Variants in GLT1D1 observed in about 807,000 individuals in gnomAD.
GLT1D1 encodes glycosyltransferase 1 domain containing 1.
Under a neutral mutation model 28.7 loss-of-function variants are expected in GLT1D1, and 21 were observed. The observed-to-expected ratio is 0.73, with a 90% CI of 0.52 to 1.05. GLT1D1 has a LOEUF of 1.05. GLT1D1 is among the 50% of genes least tolerant of loss of function. The pLI is 0.00. For missense variants in GLT1D1, 343 were observed against 330.6 expected (o/e 1.04, Z -0.29); for synonymous variants, 147 against 124.8 (o/e 1.18, Z -1.19).
At chr12:128,908,927 C>A (rs750969516) in intron 4 of GLT1D1, among the ~76,000 whole-genome samples, 4 of 151,726 alleles carry the variant, frequency 2.6e-5, no homozygotes, top group South Asian at 2.1e-4. Flanking sequence ...CCAGCCTGGG[C>A]GACAGAGCGA....
intron 4 of GLT1D1, among the ~76,000 whole-genome samples, 167 bp from the exon 7 acceptor site, chr12:128,926,192 T>C (rs1457059299): frequency 3.3e-5 from 3 of 90,042 alleles, no homozygotes; most frequent in Non-Finnish European, 6.7e-5. Flanking sequence ...AGACTCTGTC[T>C]CAATAATAAT....
At chr12:128,876,596 A>G (rs1310191642) in intron 2 of GLT1D1, among the ~76,000 whole-genome samples, 2 of 152,172 alleles carry the variant, frequency 1.3e-5, no homozygotes, top group African/African-American at 4.8e-5. Context: ...GATTGCAGGC[A>G]TGAGCCTGGC....
At chr12:128,872,752 G>A (rs537870870) in intron 1 of GLT1D1, among the ~76,000 whole-genome samples, 4 of 152,138 alleles carry the variant, frequency 2.6e-5, no homozygotes, top group East Asian at 1.9e-4. Context: ...ACACACGCAC[G>A]CTCACACTCA....
intron 4 of GLT1D1, chr12:128,907,010 G>C (rs1032710728): frequency 4.3e-6 from 3 of 700,494 alleles, no homozygotes; most frequent in Admixed American, 4.0e-5. Context: ...AATGAGCTGC[G>C]TGTCTCCTTA....
chr12:128,853,866 C>G (rs1566073084), intron 1 of GLT1D1, among the ~76,000 whole-genome samples: 2 of 152,156 alleles, frequency 1.3e-5, no homozygotes, highest in South Asian at 2.1e-4. Flanking sequence ...TCCGTGCGGC[C>G]GGCGCATTGG....
intron 7 of GLT1D1, among the ~76,000 whole-genome samples, chr12:128,973,912 TGTAGGGG>T (rs1879491073): frequency 5.0e-5 from 3 of 59,674 alleles, no homozygotes; most frequent in East Asian, 4.9e-4. Context: ...AGGGGGTGTG[TGTAGGGG>T]GTGTGTGTGT....
At chr12:128,906,914 G>A (rs1211957072) in intron 4 of GLT1D1, 2 of 702,524 alleles carry the variant, frequency 2.8e-6, no homozygotes, top group Admixed American at 4.0e-5. Context: ...TAGAAAGCAA[G>A]ACAGATCTCA....
chr12:128,861,334 C>T (rs1394944295), intron 1 of GLT1D1, among the ~76,000 whole-genome samples: 1 of 152,214 alleles, frequency 6.6e-6, no homozygotes, highest in East Asian at 1.9e-4. Context: ...GGTATTTCCT[C>T]TCTGTCTGCT....
intron 2 of GLT1D1, among the ~76,000 whole-genome samples, chr12:128,878,893 G>A (rs561559766): frequency 1.3e-5 from 2 of 152,272 alleles, no homozygotes; most frequent in South Asian, 4.1e-4. Context: ...GAGATTAAAG[G>A]CATGAGCCAC....
chr12:128,944,183 C>T, intron 4 of GLT1D1: 1 of 411,438 alleles, frequency 2.4e-6, no homozygotes. Flanking sequence ...TTCATACATA[C>T]TGGAATTCTT....
intron 4 of GLT1D1, among the ~76,000 whole-genome samples, chr12:128,905,112 T>C (rs1566119350): frequency 6.6e-6 from 1 of 152,150 alleles, no homozygotes; most frequent in East Asian, 1.9e-4. Context: ...TTACACCACT[T>C]ACGCCGTTTC....
At chr12:128,918,427 C>T (rs567945055) in intron 4 of GLT1D1, among the ~76,000 whole-genome samples, 10 of 152,274 alleles carry the variant, frequency 6.6e-5, no homozygotes, top group South Asian at 4.1e-4. Flanking sequence ...ACACGTTTAC[C>T]TGTGTAACAC....
At chr12:128,894,627 TGA>T (rs1869423189) in intron 3 of GLT1D1, among the ~76,000 whole-genome samples, 1 of 151,952 alleles carries the variant, frequency 6.6e-6, no homozygotes, top group Non-Finnish European at 1.5e-5. Flanking sequence ...GTGGATCACT[TGA>T]GGCCAGGAGT....
intron 1 of GLT1D1, among the ~76,000 whole-genome samples, chr12:128,855,833 A>G (rs1158855979): frequency 7.0e-6 from 1 of 143,122 alleles, no homozygotes; most frequent in Non-Finnish European, 1.5e-5. Flanking sequence ...GCTCACTGCA[A>G]CCTCTGCCCC....
In GLT1D1 at chr12:128,899,218, T is replaced by A. The variant is rs999485115; in HGVS notation, c.324-18T>A. 8 of 1,599,490 alleles carry A rather than the reference T, an allele frequency of 5.0e-6. No homozygotes were observed. In the African/African-American group the frequency reaches 9.4e-5, roughly 19 times the overall value. ...AATTCTGGCCTAATTGTTTCTATTATTTTTGTTCATTTACTAGATTTGCTG... is the reference window on the plus strand; with the variant it reads ...AATTCTGGCCTAATTGTTTCTATTAATTTTGTTCATTTACTAGATTTGCTG... On this transcript the variant is annotated intron_variant, in intron 3 of 7. Coordinates refer to ENST00000281703, the MANE Select transcript of GLT1D1 (RefSeq NM_144669.3).
chr12:128,865,522 A>G (rs1956491162), intron 1 of GLT1D1, among the ~76,000 whole-genome samples: 1 of 152,170 alleles, frequency 6.6e-6, no homozygotes, highest in African/African-American at 2.4e-5. Flanking sequence ...AAAAATATAT[A>G]GAAATAAAAA....
chr12:128,896,602 A>G (rs1246006106), intron 3 of GLT1D1, among the ~76,000 whole-genome samples: 2 of 119,862 alleles, frequency 1.7e-5, no homozygotes, highest in Admixed American at 1.0e-4. Flanking sequence ...TTTTTTTGAG[A>G]CAGAGTCTTG....
intron 4 of GLT1D1, among the ~76,000 whole-genome samples, chr12:128,939,105 C>T (rs186701917): frequency 1.3e-5 from 2 of 152,028 alleles, no homozygotes; most frequent in Non-Finnish European, 2.9e-5. Flanking sequence ...AAGATGATGT[C>T]GTGTCACGGT....
Position 128,984,384 on chromosome 12 carries a change from A to G in GLT1D1, c.*1294A>G, listed in dbSNP as rs978818735. ...TCTTGTTTTTAAAAGAAGTAGCCTC[A>G]AATTAAACTCCTTAAACTCTGATGC... On this transcript the variant is annotated 3_prime_UTR_variant, in exon 8 of 8. Transcript: ENST00000281703. 1 of 151,806 alleles carries G rather than the reference A, an allele frequency of 6.6e-6. No homozygotes were observed. The highest frequency in any genetic ancestry group is 1.5e-5 in the Non-Finnish European group (1 of 67,986). The allele number at this position is 151,806 out of a possible 1,614,324, so 9.4% of individuals were successfully genotyped here. A position where few individuals can be genotyped will look rare whatever the true frequency, so the allele number is the denominator to read the frequency against.
Sources: allele counts gnomAD v4.1 joint callset (sites outside exome capture counted in the v4.1 genomes callset), GRCh38; gene constraint gnomAD v4.1.1; transcripts MANE v1.5; gene names NCBI Gene and HGNC (gene_info 2026-07-23, HGNC 2026-07-21).